ZNF624: variants seen among roughly 807,000 people sequenced by gnomAD.
ZNF624 encodes zinc finger protein 624.
A neutral mutation model predicts 74.7 loss-of-function variants in ZNF624; 43 were observed. The observed-to-expected ratio is 0.58, with a 90% CI of 0.45 to 0.74. The LOEUF is 0.74. ZNF624 is among the 30% of genes least tolerant of loss of function. ZNF624 has a pLI of 0.00. For missense variants in ZNF624, 820 were observed against 1,030.0 expected (o/e 0.80, Z 2.79); for synonymous variants, 331 against 341.3 (o/e 0.97, Z 0.33).
chr17:16,647,338 T>C lies in ZNF624; in HGVS notation c.144A>G (p.Gln48=), dbSNP rs772788683. The change falls in exon 3 of 6, where the codon CAA becomes CAG. Residue 48 remains glutamine (Q), a synonymous_variant. Coordinates refer to ENST00000311331, the MANE Select transcript of ZNF624 (RefSeq NM_020787.4). ...EDLHLQAEET[Q]LVKESVTFKD... Reference sequence around the variant, plus strand: ...CAACAGTAGGTATTACCTTTACCAATTGTGTTTCTTCTGCCTGAAGGTGAA... The same window carrying C: ...CAACAGTAGGTATTACCTTTACCAACTGTGTTTCTTCTGCCTGAAGGTGAA... 3.1e-6 allele frequency: 5 copies of C among 1,613,906 alleles called. No homozygotes were observed. Among genetic ancestry groups the C allele is most frequent in the South Asian group, 1.1e-5 (1 of 91,086 alleles).
At chr17:16,637,929 C>T (rs1256356147) in intron 3 of ZNF624, among the ~76,000 whole-genome samples, 2 of 151,986 alleles carry the variant, frequency 1.3e-5, no homozygotes, top group East Asian at 3.9e-4. Flanking sequence ...AGTGAACAGG[C>T]AACCTACAAA....
At chr17:16,640,326 A>G (rs1165809383) in intron 3 of ZNF624, among the ~76,000 whole-genome samples, 1 of 152,156 alleles carries the variant, frequency 6.6e-6, no homozygotes, top group African/African-American at 2.4e-5. Flanking sequence ...AGAAGAAATC[A>G]GTAACCTAAA....
chr17:16,644,650 C>T (rs866126104), intron 3 of ZNF624, among the ~76,000 whole-genome samples: 2 of 152,138 alleles, frequency 1.3e-5, no homozygotes, highest in African/African-American at 4.8e-5. Flanking sequence ...TGATAGAGTT[C>T]GAGAAAGTAA....
chr17:16,617,864 T>C, downstream of ZNF624: 2 of 1,607,000 alleles, frequency 1.2e-6, no homozygotes, highest in Non-Finnish European at 8.5e-7. Flanking sequence ...TTAGGCGTCC[T>C]ATGTAGACGC....
At chr17:16,640,118 A>T (rs1477905049) in intron 3 of ZNF624, among the ~76,000 whole-genome samples, 3 of 152,186 alleles carry the variant, frequency 2.0e-5, no homozygotes, top group African/African-American at 7.2e-5. Context: ...GTTGAAAAGT[A>T]TAATAACTGA....
At chr17:16,652,034 G>C (rs1909737498) in intron 1 of ZNF624, among the ~76,000 whole-genome samples, 1 of 151,946 alleles carries the variant, frequency 6.6e-6, no homozygotes, top group African/African-American at 2.4e-5. Context: ...GAGTGGGAGG[G>C]GGGTGGAGAA....
At chr17:16,641,500 T>C (rs1909466781) in intron 3 of ZNF624, among the ~76,000 whole-genome samples, 1 of 152,188 alleles carries the variant, frequency 6.6e-6, no homozygotes, top group African/African-American at 2.4e-5. Context: ...GCCAGGCTAG[T>C]CTCGAACTCC....
At chr17:16,639,162 G>A (rs1189067220) in intron 3 of ZNF624, among the ~76,000 whole-genome samples, 1 of 152,046 alleles carries the variant, frequency 6.6e-6, no homozygotes, top group Admixed American at 6.5e-5. Context: ...TAAACTAAGA[G>A]CCCTGATTAG....
chr17:16,652,550 T>C (rs1244121104), intron 1 of ZNF624, among the ~76,000 whole-genome samples: 2 of 151,258 alleles, frequency 1.3e-5, no homozygotes, highest in Non-Finnish European at 3.0e-5. Flanking sequence ...ACAACCAAAC[T>C]ACAATAAATC....
At chr17:16,628,674 C>T (rs1278187600) in intron 5 of ZNF624, among the ~76,000 whole-genome samples, 2 of 151,662 alleles carry the variant, frequency 1.3e-5, no homozygotes, top group Admixed American at 1.3e-4. Context: ...AAAGGTCTAT[C>T]ACAGATGTAA....
At position 16,623,386 on chromosome 17, in the gene ZNF624, A is replaced by C. The variant is rs757571439; in HGVS notation, c.1500T>G (p.Tyr500Ter). ...HIRTHTGEKP[Y>*]ECNECGKAFN... is the part of the protein sequence containing the mutation. The stretch of plus-strand genomic sequence containing the variant: ...ATGCTTTCCCACATTCATTACATTC[A>C]TAGGGTTTTTCCCCAGTGTGAGTTC... Residue 500 changes from tyrosine to a stop codon, truncating the protein, a stop_gained, in exon 6 of 6, where the codon TAT (tyrosine) becomes TAG (stop). Transcript: ENST00000311331. LOFTEE classifies it high-confidence loss of function. The surrounding 1 kb of genome is among the most constrained non-coding windows in gnomAD (Gnocchi z 5.3). The C allele has an allele frequency of 6.2e-7, 1 of 1,613,846 alleles. No individual in the cohort carries two copies. The highest frequency in any genetic ancestry group is 8.5e-7 in the Non-Finnish European group (1 of 1,179,900).
At chr17:16,618,577 A>G (rs1203614808), downstream of ZNF624, among the ~76,000 whole-genome samples, 1 of 152,224 alleles carries the variant, frequency 6.6e-6, no homozygotes. Flanking sequence ...ACAAAATTAG[A>G]AAACATACAG....
rs935353381 is a variant in ZNF624, at chr17:16,623,031, T to G, written c.1855A>C (p.Arg619=). 1.2e-6 allele frequency: 2 copies of G among 1,613,952 alleles called. No homozygotes were observed. Among genetic ancestry groups the G allele is most frequent in the Non-Finnish European group, 1.7e-6 (2 of 1,179,940 alleles). ...AGATTTACCATTTTGGTGAATGCCC[T>G]CTCGCAGTCAGTACATTTATATGGT... is the stretch of plus-strand genomic sequence containing the variant. The part of the protein sequence containing the change: ...EKPYKCTDCE[R]AFTKMVNLKE... The change falls in exon 6 of 6, where the codon AGG becomes CGG. Residue 619 remains arginine, a synonymous_variant. Transcript: ENST00000311331. This position sits in a 1 kb window ranked among gnomAD's most constrained non-coding sequence, Gnocchi z 5.3.
chr17:16,631,941 G>C (rs1398767342), intron 5 of ZNF624, among the ~76,000 whole-genome samples: 1 of 152,086 alleles, frequency 6.6e-6, no homozygotes, highest in Non-Finnish European at 1.5e-5. Flanking sequence ...GAAACAAAAA[G>C]AAAAAGGAAA....
At chr17:16,652,084 G>A (rs547871855) in intron 1 of ZNF624, among the ~76,000 whole-genome samples, 24 of 151,956 alleles carry the variant, frequency 1.6e-4, no homozygotes, top group Non-Finnish European at 2.2e-4. Flanking sequence ...GTTATTCTAG[G>A]GACAGATACC....
Position 16,622,792 on chromosome 17 carries a change from G to T in ZNF624, c.2094C>A (p.Cys698Ter), listed in dbSNP as rs1478089678. The change falls in exon 6 of 6, where the codon TGC (cysteine) becomes TGA (stop). Residue 698 changes from cysteine (C) to a stop codon, truncating the protein, a stop_gained. Coordinates refer to ENST00000311331, the MANE Select transcript of ZNF624 (RefSeq NM_020787.4). LOFTEE classifies it high-confidence loss of function. ...RRHTGEKPYK[C>*]NECGKVFTSN... ...TTGTGAAAACCTTTCCACATTCATT[G>T]CATTTATAGGGCTTCTCTCCAGTAT... The T allele has an allele frequency of 6.2e-7, 1 of 1,613,568 alleles. No homozygotes were observed. The highest frequency in any genetic ancestry group is 8.5e-7 in the Non-Finnish European group (1 of 1,179,948).
downstream of ZNF624, chr17:16,617,924 G>C: frequency 7.7e-7 from 1 of 1,297,348 alleles, no homozygotes; most frequent in East Asian, 2.5e-5. Flanking sequence ...GTGGAACGGC[G>C]GACCGCAAGC....
chr17:16,620,653 C>A (rs1908886024), downstream of ZNF624: 1 of 152,172 alleles, frequency 6.6e-6, no homozygotes, highest in African/African-American at 2.4e-5. Flanking sequence ...GATGCATGAG[C>A]ACCTCTCCCC....
chr17:16,643,809 T>C (rs1430995375), intron 3 of ZNF624, among the ~76,000 whole-genome samples: 2 of 152,182 alleles, frequency 1.3e-5, no homozygotes, highest in Non-Finnish European at 2.9e-5. Flanking sequence ...GAAAAATTGA[T>C]TGTAGAATGT....
Sources: allele counts gnomAD v4.1 joint callset (sites outside exome capture counted in the v4.1 genomes callset), GRCh38; gene constraint gnomAD v4.1.1; non-coding constraint Gnocchi (gnomAD v3.1); transcripts MANE v1.5; gene names NCBI Gene and HGNC (gene_info 2026-07-23, HGNC 2026-07-21).